Variants in RORA observed in about 807,000 individuals in gnomAD.
RORA encodes nuclear receptor ROR-alpha.
In RORA, 7 loss-of-function variants were observed where a neutral mutation model predicts 69.5. The ratio of observed to expected loss-of-function variants is 0.10; its 90% confidence interval spans 0.06 to 0.19. The LOEUF is 0.19. Ranked by LOEUF, RORA falls within the 10% of genes least tolerant of loss-of-function variation. RORA has a pLI of 1.00. For synonymous variants in RORA, 261 were observed against 240.8 expected (o/e 1.08, Z -0.78); for missense variants, 457 against 663.0 (o/e 0.69, Z 3.41).
chr15:60,701,190 C>A (rs2070976689), intron 1 of RORA, among the ~76,000 whole-genome samples: 1 of 152,212 alleles, frequency 6.6e-6, no homozygotes. Context: ...CGGACAATAT[C>A]TTTTATCTCT....
At chr15:61,020,392 AAAG>A (rs756637587) in intron 1 of RORA, among the ~76,000 whole-genome samples, 40 of 152,218 alleles carry the variant, frequency 2.6e-4, no homozygotes, top group Admixed American at 5.2e-4. Flanking sequence ...CACAATGGGG[AAAG>A]AAGAGCCAGG....
In RORA at chr15:61,024,329, G is replaced by A. The variant is rs533903618; in HGVS notation, c.166+204724C>T. 5.8e-5 allele frequency among the ~76,000 whole-genome samples: 7 copies of A among 120,706 alleles called. No individual in the cohort carries two copies. In the South Asian group the frequency reaches 8.5e-4, roughly 15 times the overall value. 79.2% of individuals were successfully genotyped at this position (120,706 alleles called of 152,430 possible). On this transcript the variant is annotated intron_variant, in intron 1 of 10. Transcript: ENST00000335670. ...TCTTGCTCTGGTGCCAAGTGCCCACGCTGGAGTGCAGTGGTTCAGTCATAG... is the reference window on the plus strand; with the variant it reads ...TCTTGCTCTGGTGCCAAGTGCCCACACTGGAGTGCAGTGGTTCAGTCATAG...
intron 1 of RORA, among the ~76,000 whole-genome samples, chr15:61,172,809 C>A (rs2079597237): frequency 6.6e-6 from 1 of 152,060 alleles, no homozygotes; most frequent in African/African-American, 2.4e-5. Context: ...GTCTAAGGGT[C>A]CCCTAAGGAG....
In RORA at chr15:60,597,597, C is replaced by CATATATATATATATATATACATAT. The variant is rs2068717179; in HGVS notation, c.197-65747_197-65746insATATGTATATATATATATATATAT. On this transcript the variant is annotated intron_variant, in intron 2 of 10. Coordinates refer to ENST00000335670, the MANE Select transcript of RORA (RefSeq NM_134261.3). Reference sequence around the variant, plus strand: ...ATACACATATATATATATATATACACATATATATATATATATATATACATA... The same window carrying CATATATATATATATATATACATAT: ...ATACACATATATATATATATATACACATATATATATATATATATACATATATATATATATATATATATATACATA... 1.3e-4 allele frequency among the ~76,000 whole-genome samples: 4 copies of CATATATATATATATATATACATAT among 31,348 alleles called. 1 individual carries two copies. The highest frequency in any genetic ancestry group is 4.8e-3 in the East Asian group (2 of 418). 20.6% of individuals were successfully genotyped at this position (31,348 alleles called of 152,430 possible). A position where few individuals can be genotyped will look rare whatever the true frequency, so the allele number is the denominator to read the frequency against.
At chr15:60,729,009 A>G (rs1408547283) in intron 1 of RORA, among the ~76,000 whole-genome samples, 2 of 152,188 alleles carry the variant, frequency 1.3e-5, no homozygotes, top group Non-Finnish European at 2.9e-5. Context: ...TAGGCGGGAT[A>G]TTTACAACTC....
intron 1 of RORA, among the ~76,000 whole-genome samples, chr15:61,206,818 C>A (rs781467198): frequency 6.6e-6 from 1 of 152,184 alleles, no homozygotes; most frequent in Non-Finnish European, 1.5e-5. Context: ...GTTTACTAAA[C>A]AATGGCCTGG....
chr15:60,717,040 C>G (rs548322505), intron 1 of RORA, among the ~76,000 whole-genome samples: 1 of 152,282 alleles, frequency 6.6e-6, no homozygotes, highest in East Asian at 1.9e-4. Context: ...GTTCTGGAGG[C>G]CTGGACTTGC....
Position 61,164,596 on chromosome 15 carries a change from G to C in RORA, c.166+64457C>G, listed in dbSNP as rs1487116224. 7.2e-5 allele frequency among the ~76,000 whole-genome samples: 11 copies of C among 152,136 alleles called. No individual in the cohort carries two copies. The East Asian group carries it at 2.1e-3, about 29-fold the overall frequency. ...CTGTTGGGTAGATCATATGAGCTCT[G>C]GATGAACTTGCTCCAGCAAAGCCCT... On this transcript the variant is annotated intron_variant, in intron 1 of 10. Transcript: ENST00000335670.
chr15:61,096,528 C>T (rs1353308203), intron 1 of RORA, among the ~76,000 whole-genome samples: 2 of 152,132 alleles, frequency 1.3e-5, no homozygotes, highest in African/African-American at 2.4e-5. Flanking sequence ...TTTTTCTTAA[C>T]AAAATAGTCC....
chr15:60,714,521 C>A (rs375193422), intron 1 of RORA, among the ~76,000 whole-genome samples: 1 of 151,100 alleles, frequency 6.6e-6, no homozygotes, highest in African/African-American at 2.4e-5. Context: ...CCTGCCAACA[C>A]ACGTAGCTAA....
intron 1 of RORA, among the ~76,000 whole-genome samples, chr15:61,073,458 C>CTG (rs1441009961): frequency 1.3e-5 from 2 of 152,142 alleles, no homozygotes; most frequent in African/African-American, 4.8e-5. Flanking sequence ...CTTCACAGCC[C>CTG]TGTCATCGGG....
chr15:60,952,570 G>T (rs2140335401), intron 1 of RORA, among the ~76,000 whole-genome samples: 1 of 152,284 alleles, frequency 6.6e-6, no homozygotes, highest in African/African-American at 2.4e-5. Flanking sequence ...ATCTGCTTAA[G>T]CTGATAAGCA....
At chr15:60,637,509 C>T (rs750902790) in intron 2 of RORA, among the ~76,000 whole-genome samples, 18 of 152,044 alleles carry the variant, frequency 1.2e-4, no homozygotes, top group Middle Eastern at 3.4e-3. Context: ...GAAAATCTGC[C>T]TGTATCTAGA....
chr15:61,223,301 G>A (rs1286317892), intron 1 of RORA, among the ~76,000 whole-genome samples: 2 of 99,924 alleles, frequency 2.0e-5, no homozygotes, highest in East Asian at 7.0e-4. Context: ...GAGACACAGC[G>A]AAGACTCTGT....
intron 1 of RORA, among the ~76,000 whole-genome samples, chr15:61,070,946 G>A (rs80106509): frequency 0.046 from 6,967 of 151,736 alleles, 203 homozygotes; most frequent in Middle Eastern, 0.082. Context: ...GAACATAAGC[G>A]GTTTACATAT....
intron 1 of RORA, among the ~76,000 whole-genome samples, chr15:61,077,013 G>C (rs2078461451): frequency 6.6e-6 from 1 of 152,108 alleles, no homozygotes; most frequent in African/African-American, 2.4e-5. Context: ...ATTCAGCATG[G>C]AGAAGCAAGG....
chr15:61,180,662 G>A (rs2079675893), intron 1 of RORA, among the ~76,000 whole-genome samples: 1 of 152,254 alleles, frequency 6.6e-6, no homozygotes, highest in Admixed American at 6.5e-5. Context: ...CTATGTCTAT[G>A]GTAACACATT....
At chr15:61,199,638 T>C (rs879854151) in intron 1 of RORA, among the ~76,000 whole-genome samples, 1 of 152,038 alleles carries the variant, frequency 6.6e-6, no homozygotes, top group Non-Finnish European at 1.5e-5. Flanking sequence ...ACCATCTTAG[T>C]CACACAGATA....
chr15:60,713,014 A>G (rs1305979080), intron 1 of RORA, among the ~76,000 whole-genome samples: 3 of 152,202 alleles, frequency 2.0e-5, no homozygotes, highest in Admixed American at 6.5e-5. Context: ...AATTTAGGTT[A>G]CCTTAATCAG....
Sources: allele counts gnomAD v4.1 joint callset (sites outside exome capture counted in the v4.1 genomes callset), GRCh38; gene constraint gnomAD v4.1.1; transcripts MANE v1.5; gene names NCBI Gene and HGNC (gene_info 2026-07-23, HGNC 2026-07-21).